The following DCC variants were observed in gnomAD, a reference collection of about 807,000 sequenced individuals.
The protein encoded by DCC is netrin receptor DCC.
In DCC, 58 loss-of-function variants were observed where a neutral mutation model predicts 172.5. The ratio of observed to expected loss-of-function variants is 0.34; its 90% CI spans 0.27 to 0.42. The LOEUF (loss-of-function observed/expected upper bound fraction) is 0.42, where lower values mean the gene tolerates loss of function less well. Among genes scored for constraint, DCC ranks in the 10% least tolerant of loss-of-function variants. DCC has a pLI of 1.00. For synonymous variants in DCC, 709 were observed against 644.5 expected (o/e 1.10, Z -1.52); for missense variants, 1,740 against 1,791.0 (o/e 0.97, Z 0.51).
chr18:52,375,813 G>C (rs774742295), intron 1 of DCC, among the ~76,000 whole-genome samples: 3 of 152,216 alleles, frequency 2.0e-5, no homozygotes, highest in Non-Finnish European at 4.4e-5. Flanking sequence ...TGTGGGTTAA[G>C]TGTTTCTGGG....
At chr18:53,007,125 A>C (rs916087782) in intron 5 of DCC, among the ~76,000 whole-genome samples, 1 of 152,094 alleles carries the variant, frequency 6.6e-6, no homozygotes, top group African/African-American at 2.4e-5. Context: ...TATGTACTCC[A>C]AGCTTTATAC....
intron 2 of DCC, among the ~76,000 whole-genome samples, chr18:52,762,202 G>T (rs2037172467): frequency 6.6e-6 from 1 of 152,154 alleles, no homozygotes; most frequent in African/African-American, 2.4e-5. Context: ...GGCTGGGCAT[G>T]GTGGCTCATG....
intron 1 of DCC, among the ~76,000 whole-genome samples, chr18:52,663,321 A>T (rs2035398956): frequency 6.6e-6 from 1 of 152,326 alleles, no homozygotes; most frequent in Non-Finnish European, 1.5e-5. Flanking sequence ...AGAAAAGCAG[A>T]TCCTCTTCAG....
At chr18:53,068,571 A>G (rs1357142174) in intron 7 of DCC, among the ~76,000 whole-genome samples, 49 of 151,956 alleles carry the variant, frequency 3.2e-4, no homozygotes, top group Admixed American at 3.2e-3. Flanking sequence ...AAGATAAGTG[A>G]CTTCGTGTTT....
At chr18:52,497,195 A>G (rs546642182) in intron 1 of DCC, among the ~76,000 whole-genome samples, 87 of 147,484 alleles carry the variant, frequency 5.9e-4, no homozygotes, top group African/African-American at 2.0e-3. Context: ...CAGGAATTTG[A>G]GGCTGCAGTT....
At chr18:53,141,507 A>G (rs1344853874) in intron 7 of DCC, among the ~76,000 whole-genome samples, 1 of 152,196 alleles carries the variant, frequency 6.6e-6, no homozygotes, top group Non-Finnish European at 1.5e-5. Flanking sequence ...GCCGTAAAGG[A>G]CACACTAAAT....
chr18:52,503,478 C>T (rs556933639), intron 1 of DCC, among the ~76,000 whole-genome samples: 10 of 152,194 alleles, frequency 6.6e-5, no homozygotes, highest in South Asian at 6.2e-4. Flanking sequence ...GATAAGTATA[C>T]GTTTACCTAT....
intron 5 of DCC, among the ~76,000 whole-genome samples, chr18:53,039,285 C>T (rs1390974350): frequency 6.6e-6 from 1 of 152,022 alleles, no homozygotes; most frequent in Non-Finnish European, 1.5e-5. Flanking sequence ...GAAATTTTGT[C>T]CTCACACAGT....
In DCC at chr18:53,066,144, A is replaced by G; in HGVS notation, c.1239A>G (p.Ala413=). ...AGGCTGGAAATGCCCAGACCAGTGCACAGCTCATTGTCCCTAAGCCTGGTA... is the reference window on the plus strand; with the variant it reads ...AGGCTGGAAATGCCCAGACCAGTGCGCAGCTCATTGTCCCTAAGCCTGGTA... ...ENEAGNAQTS[A]QLIVPKPAIP... The change falls in exon 7 of 29, where the codon GCA becomes GCG. Residue 413 remains alanine, a synonymous_variant. Coordinates refer to ENST00000442544, the MANE Select transcript of DCC (RefSeq NM_005215.4). 1 of 1,613,338 alleles carries G rather than the reference A, an allele frequency of 6.2e-7. No homozygotes were observed. Among genetic ancestry groups the G allele is most frequent in the Non-Finnish European group, 8.5e-7 (1 of 1,179,514 alleles).
intron 1 of DCC, among the ~76,000 whole-genome samples, chr18:52,513,334 G>A (rs1007834336): frequency 6.6e-6 from 1 of 152,102 alleles, no homozygotes; most frequent in African/African-American, 2.4e-5. Flanking sequence ...TCACTTGTTA[G>A]CAGTGTGATC....
chr18:52,604,404 T>G (rs1451072692), intron 1 of DCC, among the ~76,000 whole-genome samples: 6 of 152,262 alleles, frequency 3.9e-5, no homozygotes, highest in African/African-American at 1.4e-4. Flanking sequence ...AAACAATAGG[T>G]GGCTATTTTT....
intron 5 of DCC, among the ~76,000 whole-genome samples, chr18:52,945,415 A>G (rs963380902): frequency 1.8e-4 from 27 of 152,328 alleles, no homozygotes; most frequent in African/African-American, 6.3e-4. Flanking sequence ...TTAAATTTGC[A>G]TAGTCGTTAG....
intron 1 of DCC, among the ~76,000 whole-genome samples, chr18:52,618,534 GC>G (rs1437145606): frequency 1.3e-5 from 2 of 152,076 alleles, no homozygotes; most frequent in African/African-American, 2.4e-5. Context: ...TTATAAAAGT[GC>G]TTTTATTCAC....
intron 12 of DCC, among the ~76,000 whole-genome samples, chr18:53,222,078 G>C (rs1477820403): frequency 6.6e-6 from 1 of 152,038 alleles, no homozygotes. Flanking sequence ...GACTTTTTTT[G>C]AAGTTCCAAA....
At chr18:53,167,054 T>A (rs2054932397) in intron 8 of DCC, among the ~76,000 whole-genome samples, 1 of 152,156 alleles carries the variant, frequency 6.6e-6, no homozygotes, top group African/African-American at 2.4e-5. Flanking sequence ...TAAAAATCTT[T>A]CCACTAAGAA....
chr18:52,872,017 T>C (rs764390551), intron 2 of DCC, among the ~76,000 whole-genome samples: 2 of 152,164 alleles, frequency 1.3e-5, no homozygotes, highest in South Asian at 2.1e-4. Context: ...GTGCCAAAAC[T>C]GTAGGGCCAA....
chr18:53,000,539 T>C (rs1390036665), intron 5 of DCC, among the ~76,000 whole-genome samples: 2 of 151,880 alleles, frequency 1.3e-5, no homozygotes, highest in South Asian at 2.1e-4. Context: ...AATGATCCTG[T>C]TTTTAATGCT....
intron 1 of DCC, among the ~76,000 whole-genome samples, chr18:52,477,687 G>A (rs924584665): frequency 2.0e-5 from 3 of 152,000 alleles, no homozygotes; most frequent in African/African-American, 7.3e-5. Flanking sequence ...AAACTGCAAG[G>A]GCCTAACCTT....
In DCC at chr18:52,914,309, C is replaced by T. The variant is rs186875816; in HGVS notation, c.697+7981C>T. ...TGAGACACAAGGGGTAGAAGCCATA[C>T]GCCAGTGATAAGAATAGATGATTTC... On this transcript the variant is annotated intron_variant, in intron 3 of 28. Transcript: ENST00000442544. 1.3e-3 allele frequency among the ~76,000 whole-genome samples: 203 copies of T among 152,044 alleles called. 1 individual carries two copies. The highest frequency in any genetic ancestry group is 2.3e-3 in the Non-Finnish European group (154 of 67,958).
Sources: gnomAD v4.1 joint callset for allele counts (sites outside exome capture counted in the v4.1 genomes callset) on GRCh38, gnomAD v4.1.1 for gene constraint, MANE v1.5 for transcripts, NCBI Gene and HGNC (gene_info 2026-07-23, HGNC 2026-07-21) for gene names.